The following NOL9 variants were observed in gnomAD, a reference collection of about 807,000 sequenced individuals.
NOL9 encodes the protein nucleolar protein 9, also known as polynucleotide 5'-hydroxyl-kinase NOL9.
A neutral mutation model predicts 67.9 loss-of-function variants in NOL9; 28 were observed. That is an observed-to-expected ratio of 0.41 (90% CI 0.31 to 0.57). The LOEUF (loss-of-function observed/expected upper bound fraction) is 0.57, where lower values mean the gene tolerates loss of function less well. NOL9 is among the 20% of genes least tolerant of loss of function. The pLI, the probability that NOL9 is intolerant of heterozygous loss-of-function variation, is 0.25. For synonymous variants in NOL9, 356 were observed against 352.2 expected (o/e 1.01, Z -0.12); for missense variants, 777 against 897.0 (o/e 0.87, Z 1.71).
rs1485455442 is a variant in NOL9, at chr1:6,527,629, CAA to C, written c.1826-802_1826-801del. On this transcript the variant is annotated intron_variant, in intron 10 of 11. Coordinates refer to ENST00000377705, the MANE Select transcript of NOL9 (RefSeq NM_024654.5). ...GAGAGACTTTGTCTCAAAAACAAAA[CAA>C]AACAAAACAAAAAAAAAACAGCCTG... is the stretch of plus-strand genomic sequence containing the variant. 8.8e-5 allele frequency among the ~76,000 whole-genome samples: 4 copies of C among 45,702 alleles called. No individual in the cohort carries two copies. In the East Asian group the frequency reaches 2.8e-3, roughly 32 times the overall value. The allele number at this position is 45,702 out of a possible 152,430, so 30.0% of individuals were successfully genotyped here.
chr1:6,534,530 G>A (rs963841067), intron 6 of NOL9, among the ~76,000 whole-genome samples: 1 of 152,290 alleles, frequency 6.6e-6, no homozygotes, highest in Admixed American at 6.5e-5. Flanking sequence ...TGGGAGCTGC[G>A]AATTCAGCCA....
At chr1:6,550,118 G>A (rs553552415) in intron 2 of NOL9, among the ~76,000 whole-genome samples, 10 of 152,082 alleles carry the variant, frequency 6.6e-5, no homozygotes, top group African/African-American at 2.2e-4. Flanking sequence ...TGCAAGCTCC[G>A]CCTCCCGGGT....
At chr1:6,548,944 T>C (rs187142404) in intron 3 of NOL9, among the ~76,000 whole-genome samples, 2 of 152,162 alleles carry the variant, frequency 1.3e-5, no homozygotes, top group East Asian at 1.9e-4. Flanking sequence ...TAGCTGGGCA[T>C]GGTGGCATGC....
chr1:6,544,512 A>C (rs1639371580), intron 5 of NOL9, among the ~76,000 whole-genome samples: 1 of 105,040 alleles, frequency 9.5e-6, no homozygotes, highest in African/African-American at 2.9e-5. Context: ...CCTGTCTGAA[A>C]ACACACACAC....
chr1:6,535,941 A>AC (rs1639144852), intron 6 of NOL9, among the ~76,000 whole-genome samples: 1 of 151,514 alleles, frequency 6.6e-6, no homozygotes, highest in Non-Finnish European at 1.5e-5. Flanking sequence ...AAAAAAAAAA[A>AC]AAGTTGGAGG....
intron 10 of NOL9, 86 bp downstream of exon 10, chr1:6,528,908 G>T: frequency 3.0e-6 from 4 of 1,355,446 alleles, no homozygotes; most frequent in Non-Finnish European, 4.1e-6. Context: ...CTTAGACACA[G>T]CTACAAGGTC....
chr1:6,547,687 T>A (rs117144920), intron 3 of NOL9, among the ~76,000 whole-genome samples: 1,529 of 151,682 alleles, frequency 0.01, 17 homozygotes, highest in Middle Eastern at 0.065. Flanking sequence ...AAATCCTATC[T>A]CTACAAAAAC....
rs765050462 is a variant in NOL9, at chr1:6,524,809, G to C, written c.*1045C>G. 6.6e-6 allele frequency: 1 copy of C among 151,358 alleles called. No homozygotes were observed. The highest frequency in any genetic ancestry group is 1.9e-4 in the East Asian group (1 of 5,162). 9.4% of individuals were successfully genotyped at this position (151,358 alleles called of 1,614,324 possible). A position where few individuals can be genotyped will look rare whatever the true frequency, so the allele number is the denominator to read the frequency against. On this transcript the variant is annotated 3_prime_UTR_variant, in exon 12 of 12. Coordinates refer to ENST00000377705, the MANE Select transcript of NOL9 (RefSeq NM_024654.5). ...GGCTGGAGTGCAGTGGCGTGACCTC[G>C]GCTCACTGCAAGCTCCGCCTCCTGG... is the stretch of plus-strand genomic sequence containing the variant.
In NOL9 at chr1:6,543,624, CAA is replaced by C. The variant is rs534873668; in HGVS notation, c.977+1200_977+1201del. Among the ~76,000 whole-genome samples the C allele has an allele frequency of 4.6e-5, 7 of 152,294 alleles. No homozygotes were observed. In the East Asian group the frequency reaches 1.2e-3, roughly 25 times the overall value. ...AAGCCAGCCTCCCACTTTTGCCTCC[CAA>C]AGTGCTGCGACTGCAGATGTAAGCC... On this transcript the variant is annotated intron_variant, in intron 5 of 11. Coordinates refer to ENST00000377705, the MANE Select transcript of NOL9 (RefSeq NM_024654.5).
chr1:6,522,116 T>G lies in NOL9; in HGVS notation c.*3738A>C, dbSNP rs1291487915. On this transcript the variant is annotated 3_prime_UTR_variant, in exon 12 of 12. Coordinates refer to ENST00000377705, the MANE Select transcript of NOL9 (RefSeq NM_024654.5). ...ATCCCAGCACTTTGGGAGGCCAAGG[T>G]GGACGGATCACGAGGTCAGGAGCTC... 2.0e-5 allele frequency: 3 copies of G among 150,418 alleles called. No homozygotes were observed. The highest frequency in any genetic ancestry group is 4.5e-5 in the Non-Finnish European group (3 of 67,404). 9.3% of individuals were successfully genotyped at this position (150,418 alleles called of 1,614,324 possible).
chr1:6,549,752 G>A (rs1369927824), intron 2 of NOL9, 54 bp from the exon 3 acceptor site: 26 of 1,602,040 alleles, frequency 1.6e-5, no homozygotes, highest in African/African-American at 8.1e-5. Flanking sequence ...TACATTCCAC[G>A]CCCTTTAGGA....
chr1:6,533,212 G>T, intron 7 of NOL9, 68 bp downstream of exon 7: 1 of 1,449,818 alleles, frequency 6.9e-7, no homozygotes, highest in South Asian at 1.4e-5. Flanking sequence ...GCTTTAACGT[G>T]AATGTCTGAA....
At position 6,525,746 on chromosome 1, in the gene NOL9, AAT is replaced by A. The variant is rs1638869111; in HGVS notation, c.*106_*107del. 1 of 1,146,658 alleles carries A rather than the reference AAT, an allele frequency of 8.7e-7. No homozygotes were observed. Among genetic ancestry groups the A allele is most frequent in the African/African-American group, 1.6e-5 (1 of 64,458 alleles). The allele number at this position is 1,146,658 out of a possible 1,614,324, so 71.0% of individuals were successfully genotyped here. ...GAATTACACAAAAAACACTGTTGCT[AAT>A]AAGGGCACCATTCATGGCCATGAAA... On this transcript the variant is annotated 3_prime_UTR_variant, in exon 12 of 12. Coordinates refer to ENST00000377705, the MANE Select transcript of NOL9 (RefSeq NM_024654.5).
intron 7 of NOL9, among the ~76,000 whole-genome samples, chr1:6,533,000 C>T (rs1639067458): frequency 6.6e-6 from 1 of 152,206 alleles, no homozygotes; most frequent in Admixed American, 6.5e-5. Context: ...CATGGCAAAA[C>T]CCCATCTTTA....
intron 1 of NOL9, among the ~76,000 whole-genome samples, chr1:6,553,836 T>C (rs1000997614): frequency 1.6e-5 from 2 of 128,228 alleles, no homozygotes; most frequent in African/African-American, 5.5e-5. Context: ...AGTGAGACTC[T>C]GTCTCAAAAA....
chr1:6,554,166 T>C lies in NOL9; in HGVS notation c.337A>G (p.Ile113Val). ...GGGCCCACGGGCCGCACCGGTGGGA[T>C]GAGGAGAGGCCGGTGGCAACTCGAG... ...SASSCHRPLLIPPVRPVGPGR... is the reference protein window; with the variant it reads ...SASSCHRPLLVPPVRPVGPGR... Residue 113 changes from isoleucine (I) to valine (V), a missense_variant, in exon 1 of 12, where the codon ATC (isoleucine) becomes GTC (valine). Transcript: ENST00000377705. The C allele has an allele frequency of 6.5e-7, 1 of 1,528,634 alleles. No individual in the cohort carries two copies. Among genetic ancestry groups the C allele is most frequent in the Admixed American group, 2.0e-5 (1 of 49,672 alleles). 94.7% of individuals were successfully genotyped at this position (1,528,634 alleles called of 1,614,324 possible).
chr1:6,532,471 T>G lies in NOL9; in HGVS notation c.1527A>C (p.Pro509=). 1 of 1,605,690 alleles carries G rather than the reference T, an allele frequency of 6.2e-7. No homozygotes were observed. The highest frequency in any genetic ancestry group is 1.7e-5 in the Admixed American group (1 of 59,362). Residue 509 remains proline, a synonymous_variant, in exon 8 of 12, where the codon CCA becomes CCC. Coordinates refer to ENST00000377705, the MANE Select transcript of NOL9 (RefSeq NM_024654.5). ...VYTDFAFRIT[P]RNRESHNKIL... is the part of the protein sequence containing the mutation. The stretch of plus-strand genomic sequence containing the variant: ...AAATGAGGGTTAGTTACCTATTTCT[T>G]GGAGTTATTCTGAATGCAAAGTCTG...
chr1:6,535,842 T>C (rs10864613), intron 6 of NOL9, among the ~76,000 whole-genome samples: 122,064 of 150,992 alleles, frequency 0.81, 50,115 homozygotes, highest in Non-Finnish European at 0.87. Flanking sequence ...GCAGGTGAAT[T>C]GCTTGAACCC....
In NOL9 at chr1:6,533,343, A is replaced by G. The variant is rs758038851; in HGVS notation, c.1174T>C (p.Tyr392His). 1.2e-6 allele frequency: 2 copies of G among 1,613,514 alleles called. No homozygotes were observed. The highest frequency in any genetic ancestry group is 1.1e-5 in the South Asian group (1 of 90,932). The change falls in exon 7 of 12, where the codon TAT becomes CAT. Residue 392 changes from tyrosine (Y) to histidine (H), a missense_variant. Transcript: ENST00000377705. ...NYENYIDIVK[Y>H]VFSAYKRESP... Reference sequence around the variant, plus strand: ...TCTCTCTTGTAAGCGCTGAACACATATTTCACTATGTCAATATAATTCTCA... The same window carrying G: ...TCTCTCTTGTAAGCGCTGAACACATGTTTCACTATGTCAATATAATTCTCA...
Sources: allele counts gnomAD v4.1 joint callset (sites outside exome capture counted in the v4.1 genomes callset), GRCh38; gene constraint gnomAD v4.1.1; transcripts MANE v1.5; gene names NCBI Gene and HGNC (gene_info 2026-07-23, HGNC 2026-07-21).